Variants in SPAG16 observed in about 807,000 individuals in gnomAD.
SPAG16 encodes the protein sperm associated antigen 16.
SPAG16 carries 86 observed loss-of-function variants against 80.4 expected under a neutral mutation model. The ratio of observed to expected loss-of-function variants is 1.07; its 90% CI spans 0.90 to 1.28. SPAG16 has a LOEUF of 1.28. SPAG16 is among the 50% of genes most tolerant of loss of function. SPAG16 has a pLI of 0.00. For missense variants in SPAG16, 870 were observed against 765.3 expected (o/e 1.14, Z -1.61); for synonymous variants, 294 against 265.9 (o/e 1.11, Z -1.03).
intron 13 of SPAG16, among the ~76,000 whole-genome samples, chr2:214,073,383 G>A (rs1244000408): frequency 1.3e-5 from 2 of 151,582 alleles, no homozygotes; most frequent in Admixed American, 6.6e-5. Flanking sequence ...GATTACAGGC[G>A]CCCACCACCA....
chr2:214,317,657 A>C (rs1043855564), intron 15 of SPAG16, among the ~76,000 whole-genome samples: 6 of 152,230 alleles, frequency 3.9e-5, no homozygotes, highest in Non-Finnish European at 7.3e-5. Context: ...TCAGTTTAAC[A>C]ATGTCAGGGT....
chr2:213,577,149 T>C (rs141844780), intron 10 of SPAG16, among the ~76,000 whole-genome samples: 10 of 152,186 alleles, frequency 6.6e-5, no homozygotes, highest in African/African-American at 2.2e-4. Flanking sequence ...TAATAAAGGG[T>C]ACATTTTAAT....
chr2:213,682,565 G>A (rs189502900), intron 10 of SPAG16, among the ~76,000 whole-genome samples: 24 of 152,304 alleles, frequency 1.6e-4, no homozygotes, highest in African/African-American at 3.4e-4. Flanking sequence ...GTATTTAAGC[G>A]TTTAGGAAGG....
chr2:213,756,217 A>G (rs1380352962), intron 10 of SPAG16, among the ~76,000 whole-genome samples: 1 of 152,224 alleles, frequency 6.6e-6, no homozygotes, highest in Non-Finnish European at 1.5e-5. Context: ...ACGATGGCTC[A>G]TGCATGTAAT....
intron 10 of SPAG16, among the ~76,000 whole-genome samples, chr2:213,605,016 A>G (rs2061205256): frequency 6.6e-6 from 1 of 150,764 alleles, no homozygotes; most frequent in South Asian, 2.1e-4. Flanking sequence ...TCGCATCACC[A>G]AATCTCTTTT....
intron 10 of SPAG16, among the ~76,000 whole-genome samples, chr2:213,789,496 A>C (rs2070553254): frequency 1.3e-5 from 2 of 151,968 alleles, no homozygotes; most frequent in Non-Finnish European, 2.9e-5. Context: ...TTCCTGAAAA[A>C]TACACACAAG....
intron 12 of SPAG16, among the ~76,000 whole-genome samples, chr2:213,985,391 A>G (rs1252974588): frequency 2.0e-5 from 3 of 152,138 alleles, no homozygotes; most frequent in Admixed American, 2.0e-4. Flanking sequence ...GGATAATTCT[A>G]TATTAAATAA....
chr2:214,253,921 C>T (rs1266654601), intron 15 of SPAG16, among the ~76,000 whole-genome samples: 2 of 152,030 alleles, frequency 1.3e-5, no homozygotes, highest in Middle Eastern at 3.4e-3. Context: ...GATATTGATT[C>T]TTCGTATCCA....
intron 9 of SPAG16, among the ~76,000 whole-genome samples, chr2:213,473,408 T>G (rs1344455229): frequency 6.6e-6 from 1 of 152,306 alleles, no homozygotes; most frequent in East Asian, 1.9e-4. Flanking sequence ...TACAGGGCTC[T>G]TCAAAGATGC....
intron 9 of SPAG16, among the ~76,000 whole-genome samples, chr2:213,398,517 C>G (rs2068155433): frequency 1.3e-5 from 2 of 152,178 alleles, no homozygotes; most frequent in Non-Finnish European, 2.9e-5. Flanking sequence ...GTATGCCCCA[C>G]CTTGAGGCTC....
At chr2:213,621,484 TGG>T (rs770829816) in intron 10 of SPAG16, among the ~76,000 whole-genome samples, 2 of 152,186 alleles carry the variant, frequency 1.3e-5, no homozygotes, top group Non-Finnish European at 2.9e-5. Flanking sequence ...GAATTTTTAA[TGG>T]TCATGGAAAA....
At chr2:213,987,904 T>C (rs2046093906) in intron 12 of SPAG16, among the ~76,000 whole-genome samples, 1 of 149,172 alleles carries the variant, frequency 6.7e-6, no homozygotes, top group Non-Finnish European at 1.5e-5. Flanking sequence ...GTATAAATGT[T>C]ATATATTTAT....
chr2:213,720,715 T>C (rs10469772), intron 10 of SPAG16, among the ~76,000 whole-genome samples: 127,041 of 146,404 alleles, frequency 0.87, 57,496 homozygotes, highest in East Asian at 1. Flanking sequence ...TCACATCATG[T>C]AGCCAAGTGC....
chr2:213,704,521 G>A (rs1035280216), intron 10 of SPAG16, among the ~76,000 whole-genome samples: 4 of 152,056 alleles, frequency 2.6e-5, no homozygotes, highest in Non-Finnish European at 5.9e-5. Context: ...CCTTAGCAAC[G>A]TGCCTGCATG....
intron 13 of SPAG16, among the ~76,000 whole-genome samples, chr2:214,087,288 C>T (rs1259531967): frequency 6.6e-6 from 1 of 151,932 alleles, no homozygotes; most frequent in African/African-American, 2.4e-5. Flanking sequence ...CATATAGTGA[C>T]CAAATAAAAG....
chr2:214,096,023 A>C (rs2125338490), intron 13 of SPAG16, among the ~76,000 whole-genome samples: 1 of 152,154 alleles, frequency 6.6e-6, no homozygotes, highest in Non-Finnish European at 1.5e-5. Context: ...GAATTATAGA[A>C]TGTAATGGTG....
intron 13 of SPAG16, among the ~76,000 whole-genome samples, chr2:214,061,599 T>G (rs2050258837): frequency 6.6e-6 from 1 of 152,122 alleles, no homozygotes; most frequent in Admixed American, 6.6e-5. Context: ...TTTCAACTAA[T>G]TGGATGTGAC....
chr2:213,988,692 A>T (rs74560028), intron 12 of SPAG16, among the ~76,000 whole-genome samples: 2 of 151,554 alleles, frequency 1.3e-5, no homozygotes, highest in African/African-American at 2.4e-5. Context: ...AAAAAAAAAA[A>T]CATTCAAAAT....
intron 11 of SPAG16, among the ~76,000 whole-genome samples, chr2:213,874,482 A>C (rs530879577): frequency 6.6e-6 from 1 of 152,240 alleles, no homozygotes; most frequent in East Asian, 1.9e-4. Context: ...AGGATCATTA[A>C]TATCACTTTG....
Sources: gnomAD v4.1 joint callset for allele counts (sites outside exome capture counted in the v4.1 genomes callset) on GRCh38, gnomAD v4.1.1 for gene constraint, MANE v1.5 for transcripts, NCBI Gene and HGNC (gene_info 2026-07-23, HGNC 2026-07-21) for gene names.